Variants in CDH16 observed in about 807,000 individuals in gnomAD.
CDH16 encodes cadherin 16.
A neutral mutation model predicts 87.6 loss-of-function variants in CDH16; 79 were observed. That is an observed-to-expected ratio of 0.90 (90% CI 0.75 to 1.09). The LOEUF (loss-of-function observed/expected upper bound fraction) is 1.09, where lower values mean the gene tolerates loss of function less well. Ranked by LOEUF, CDH16 falls within the 50% of genes least tolerant of loss-of-function variation. The pLI is 0.00. For synonymous variants in CDH16, 457 were observed against 439.5 expected (o/e 1.04, Z -0.50); for missense variants, 1,124 against 1,071.7 (o/e 1.05, Z -0.68).
Position 66,916,439 on chromosome 16 carries a change from A to G in CDH16, c.130-10T>C. 1 of 1,591,214 alleles carries G rather than the reference A, an allele frequency of 6.3e-7. No homozygotes were observed. Among genetic ancestry groups the G allele is most frequent in the Non-Finnish European group, 8.6e-7 (1 of 1,166,798 alleles). ...CACGGGGCAGCGGCAACTGATGGAA[A>G]TGAACAGAAGTGAAGGGAGCGGTGG... On this transcript the variant is annotated splice_polypyrimidine_tract_variant and intron_variant, in intron 3 of 17. Coordinates refer to ENST00000299752, the MANE Select transcript of CDH16 (RefSeq NM_004062.4). This position sits in a 1 kb window ranked among gnomAD's most constrained non-coding sequence, Gnocchi z 4.1.
At chr16:66,910,214 C>T (rs1280320049) in intron 15 of CDH16, 46 bp downstream of exon 15, 7 of 1,560,184 alleles carry the variant, frequency 4.5e-6, no homozygotes, top group East Asian at 2.3e-5. Context: ...AGTGACACCC[C>T]CTCCCTGCCT....
chr16:66,915,392 G>A lies in CDH16; in HGVS notation c.425-14C>T. 6.2e-7 allele frequency: 1 copy of A among 1,613,012 alleles called. No homozygotes were observed. The highest frequency in any genetic ancestry group is 8.5e-7 in the Non-Finnish European group (1 of 1,179,480). ...GGAAGGGGATGCCTGGTTCACGGTG[G>A]GAGGGCAAACTGTAAGGGATAGAGA... On this transcript the variant is annotated splice_polypyrimidine_tract_variant and intron_variant, in intron 5 of 17. Transcript: ENST00000299752.
chr16:66,911,763 T>G, intron 13 of CDH16, 136 bp downstream of exon 13: 1 of 1,119,278 alleles, frequency 8.9e-7, no homozygotes. Context: ...CTGCCAGGAG[T>G]CACAACCTTG....
chr16:66,913,032 G>C, intron 9 of CDH16, 99 bp downstream of exon 9: 2 of 1,362,334 alleles, frequency 1.5e-6, no homozygotes, highest in Non-Finnish European at 1.0e-6. Context: ...GTTATGGAGG[G>C]ACATTGACAT....
chr16:66,916,740 G>C lies in CDH16; in HGVS notation c.130-311C>G, dbSNP rs191437760. On this transcript the variant is annotated intron_variant, in intron 3 of 17. Coordinates refer to ENST00000299752, the MANE Select transcript of CDH16 (RefSeq NM_004062.4). This position sits in a 1 kb window ranked among gnomAD's most constrained non-coding sequence, Gnocchi z 4.1. ...AATCTGTTAGTCATTCCCACTGCAG[G>C]TTGAGCATCTCTAACCCGAAAATCT... Among the ~76,000 whole-genome samples, 108 of 152,112 alleles carry C rather than the reference G, an allele frequency of 7.1e-4. No homozygotes were observed. The Middle Eastern group carries it at 0.014, about 19-fold the overall frequency.
Position 66,915,899 on chromosome 16 carries a change from AAAAAAAAG to A in CDH16, c.424+158_424+165del, listed in dbSNP as rs543625606. 4.4e-3 allele frequency among the ~76,000 whole-genome samples: 666 copies of A among 152,234 alleles called. 2 individuals carry two copies. Among genetic ancestry groups the A allele is most frequent in the Middle Eastern group, 0.01 (3 of 294 alleles). On this transcript the variant is annotated intron_variant, in intron 5 of 17. Coordinates refer to ENST00000299752, the MANE Select transcript of CDH16 (RefSeq NM_004062.4). ...CTGGGTGACAGTGAGTCTCCATCTC[AAAAAAAAG>A]AAAAAAAGAAAAGAAAAAAGAGAAA... is the stretch of plus-strand genomic sequence containing the variant.
chr16:66,913,276 C>T lies in CDH16; in HGVS notation c.909G>A (p.Leu303=). 1.3e-6 allele frequency: 2 copies of T among 1,554,536 alleles called. No individual in the cohort carries two copies. The highest frequency in any genetic ancestry group is 1.7e-6 in the Non-Finnish European group (2 of 1,148,688). Residue 303 remains leucine, a synonymous_variant, in exon 9 of 18, where the codon CTG becomes CTA. Coordinates refer to ENST00000299752, the MANE Select transcript of CDH16 (RefSeq NM_004062.4). Reference sequence around the variant, plus strand: ...GGGAATTCTGAGCCCGCACCTGGAGCAGGTACTGCGGTGGGCAGTAGGGGG... The same window carrying T: ...GGGAATTCTGAGCCCGCACCTGGAGTAGGTACTGCGGTGGGCAGTAGGGGG... ...ELDREAQAEY[L]LQVRAQNSHG...
Position 66,909,462 on chromosome 16 carries a change from G to A in CDH16, c.2276-79C>T. 1.1e-6 allele frequency: 1 copy of A among 936,234 alleles called. No individual in the cohort carries two copies. The allele number at this position is 936,234 out of a possible 1,614,324, so 58.0% of individuals were successfully genotyped here. ...CTCAGAGCCCCCAGCCCAGCCACCTGGCTGATATGTGTGTGTTTCTGCACA... is the reference window on the plus strand; with the variant it reads ...CTCAGAGCCCCCAGCCCAGCCACCTAGCTGATATGTGTGTGTTTCTGCACA... On this transcript the variant is annotated intron_variant, in intron 16 of 17. Transcript: ENST00000299752. The surrounding 1 kb of genome is among the most constrained non-coding windows in gnomAD (Gnocchi z 4.1).
At chr16:66,915,479 A>T in intron 5 of CDH16, 101 bp from the exon 6 acceptor site, 1 of 1,333,674 alleles carries the variant, frequency 7.5e-7, no homozygotes, top group Non-Finnish European at 1.0e-6. Context: ...CCTATCCATT[A>T]TCACATCAGG....
chr16:66,909,463 G>T lies in CDH16; in HGVS notation c.2276-80C>A. ...TCAGAGCCCCCAGCCCAGCCACCTG[G>T]CTGATATGTGTGTGTTTCTGCACAT... On this transcript the variant is annotated intron_variant, in intron 16 of 17. Coordinates refer to ENST00000299752, the MANE Select transcript of CDH16 (RefSeq NM_004062.4). This position sits in a 1 kb window ranked among gnomAD's most constrained non-coding sequence, Gnocchi z 4.1. 2.2e-6 allele frequency: 2 copies of T among 913,050 alleles called. No homozygotes were observed. Among genetic ancestry groups the T allele is most frequent in the Non-Finnish European group, 3.5e-6 (2 of 576,958 alleles). 56.6% of individuals were successfully genotyped at this position (913,050 alleles called of 1,614,324 possible).
At position 66,918,060 on chromosome 16, in the gene CDH16, G is replaced by T; in HGVS notation, c.6C>A (p.Val2=). Residue 2 remains valine, a synonymous_variant, in exon 2 of 18, where the codon GTC becomes GTA. Coordinates refer to ENST00000299752, the MANE Select transcript of CDH16 (RefSeq NM_004062.4). M[V]PAWLWLLCVS... ...CACAAAGCAGCCACAGCCAGGCAGG[G>T]ACCATGGTCAGGACAGGCCTGAGGG... 1 of 1,584,302 alleles carries T rather than the reference G, an allele frequency of 6.3e-7. No homozygotes were observed. Among genetic ancestry groups the T allele is most frequent in the Non-Finnish European group, 8.6e-7 (1 of 1,164,982 alleles).
rs779096250 is a variant in CDH16 at position 66,912,057 on chromosome 16, G to A, written c.1632C>T (p.Gly544=). 12 of 1,613,964 alleles carry A rather than the reference G, an allele frequency of 7.4e-6. No homozygotes were observed. The highest frequency in any genetic ancestry group is 1.3e-5 in the African/African-American group (1 of 74,920). Residue 544 remains glycine, a synonymous_variant, in exon 13 of 18, where the codon GGC becomes GGT. Transcript: ENST00000299752. The stretch of plus-strand genomic sequence containing the variant: ...CAGTCACCGTGGCGGTGGCTCCAGG[G>A]CCTGGGCCTGGCCCCACCAGCTTCG... ...SVAKLVGPGP[G]PGATATVTVL... is the part of the protein sequence containing the mutation.
rs745803588 is a variant in CDH16, at chr16:66,912,906, C to T, written c.1055-15G>A. ...CACTTCAGTACCTGCCAAGACAGCA[C>T]CCGCCTGGATAGGACCACAGCCCAG... is the stretch of plus-strand genomic sequence containing the variant. On this transcript the variant is annotated splice_polypyrimidine_tract_variant and intron_variant, in intron 9 of 17. Coordinates refer to ENST00000299752, the MANE Select transcript of CDH16 (RefSeq NM_004062.4). 1 of 1,603,800 alleles carries T rather than the reference C, an allele frequency of 6.2e-7. No homozygotes were observed. Among genetic ancestry groups the T allele is most frequent in the Non-Finnish European group, 8.5e-7 (1 of 1,175,986 alleles).
Position 66,912,070 on chromosome 16 carries a change from C to G in CDH16, c.1619G>C (p.Gly540Ala). Residue 540 changes from glycine to alanine, a missense_variant, in exon 13 of 18, where the codon GGG (glycine) becomes GCG (alanine). Transcript: ENST00000299752. ...VVVQSVAKLVGPGPGPGATAT... is the reference protein window; with the variant it reads ...VVVQSVAKLVAPGPGPGATAT... ...GGTGGCTCCAGGGCCTGGGCCTGGC[C>G]CCACCAGCTTCGCCACACTCTGCAC... 1 of 1,614,026 alleles carries G rather than the reference C, an allele frequency of 6.2e-7. No homozygotes were observed. Among genetic ancestry groups the G allele is most frequent in the Non-Finnish European group, 8.5e-7 (1 of 1,179,994 alleles).
chr16:66,913,757 T>G, intron 7 of CDH16, 144 bp from the exon 8 acceptor site: 1 of 1,096,042 alleles, frequency 9.1e-7, no homozygotes, highest in Non-Finnish European at 1.3e-6. Flanking sequence ...CCAGGTGGGA[T>G]CCTTCTGTTC....
Position 66,908,237 on chromosome 16 carries a change from C to T in CDH16, c.*155G>A. The T allele has an allele frequency of 6.4e-6, 4 of 626,270 alleles. No individual in the cohort carries two copies. The highest frequency in any genetic ancestry group is 5.7e-5 in the South Asian group (3 of 53,064). The allele number at this position is 626,270 out of a possible 1,614,324, so 38.8% of individuals were successfully genotyped here. A position where few individuals can be genotyped will look rare whatever the true frequency, so the allele number is the denominator to read the frequency against. ...AAAGTTGGTGTCCAGGCTCTGCAGA[C>T]ATGCCTGGTGATGGTGATGGTGCCT... is the stretch of plus-strand genomic sequence containing the variant. On this transcript the variant is annotated 3_prime_UTR_variant, in exon 18 of 18. Transcript: ENST00000299752.
intron 5 of CDH16, among the ~76,000 whole-genome samples, chr16:66,915,718 C>A (rs1482467305): frequency 6.6e-6 from 1 of 152,092 alleles, no homozygotes; most frequent in Non-Finnish European, 1.5e-5. Flanking sequence ...CAAGGCGAAA[C>A]CCCGTCTCTT....
chr16:66,915,447 A>G (rs1455982924), intron 5 of CDH16, 69 bp from the exon 6 acceptor site: 1 of 1,498,572 alleles, frequency 6.7e-7, no homozygotes, highest in East Asian at 2.3e-5. Context: ...TGCCTCTCCT[A>G]TTTCTCCTCT....
At chr16:66,910,231 C>A in intron 15 of CDH16, 29 bp downstream of exon 15, 1 of 1,566,944 alleles carries the variant, frequency 6.4e-7, no homozygotes, top group African/African-American at 1.3e-5. Context: ...GCCTTGGCCA[C>A]AGCCTCCCTC....
Sources: gnomAD v4.1 joint callset for allele counts (sites outside exome capture counted in the v4.1 genomes callset) on GRCh38, gnomAD v4.1.1 for gene constraint, Gnocchi (gnomAD v3.1) non-coding constraint, MANE v1.5 for transcripts, NCBI Gene and HGNC (gene_info 2026-07-23, HGNC 2026-07-21) for gene names.